Variants in KLHL32 observed in about 807,000 individuals in gnomAD.
KLHL32 encodes kelch like family member 32.
In KLHL32, 35 loss-of-function variants were observed where a neutral mutation model predicts 64.8. The observed-to-expected ratio is 0.54, with a 90% CI of 0.41 to 0.72. The LOEUF is 0.72. Among genes scored for constraint, KLHL32 ranks in the 30% least tolerant of loss-of-function variants. The probability of loss-of-function intolerance (pLI) is 0.00; values close to 1 mark genes in which losing one functional copy is unlikely to be tolerated. For missense variants in KLHL32, 589 were observed against 768.5 expected (o/e 0.77, Z 2.76); for synonymous variants, 259 against 281.0 (o/e 0.92, Z 0.78).
chr6:96,948,856 C>T (rs537146044), intron 1 of KLHL32, among the ~76,000 whole-genome samples: 2 of 152,144 alleles, frequency 1.3e-5, no homozygotes, highest in Non-Finnish European at 2.9e-5. Context: ...AGAAAACATA[C>T]TCCACTCTCC....
intron 5 of KLHL32, among the ~76,000 whole-genome samples, chr6:97,068,177 AG>A (rs1281725528): frequency 1.1e-4 from 16 of 152,190 alleles, no homozygotes; most frequent in Non-Finnish European, 1.6e-4. Flanking sequence ...TTTCCAAAAA[AG>A]AAAAAAAAAA....
chr6:97,127,996 C>T (rs1799051072), intron 8 of KLHL32, among the ~76,000 whole-genome samples: 1 of 152,138 alleles, frequency 6.6e-6, no homozygotes, highest in Non-Finnish European at 1.5e-5. Flanking sequence ...TATTTTCCCC[C>T]AAAAGAAATA....
In KLHL32 at chr6:97,036,178, T is replaced by A. The variant is rs182342500; in HGVS notation, c.205-5314T>A. 7.2e-5 allele frequency among the ~76,000 whole-genome samples: 11 copies of A among 152,320 alleles called. No homozygotes were observed. The East Asian group carries it at 1.7e-3, about 24-fold the overall frequency. ...GTGTTCTTCAGCTTCAGAATTTGTT[T>A]GCTTCATTTTTGTGGTTTACATTTC... is the stretch of plus-strand genomic sequence containing the variant. On this transcript the variant is annotated intron_variant, in intron 3 of 10. Transcript: ENST00000369261.
At chr6:97,019,946 ATTTTT>A (rs59828741) in intron 3 of KLHL32, among the ~76,000 whole-genome samples, 1 of 115,090 alleles carries the variant, frequency 8.7e-6, no homozygotes. Flanking sequence ...CTCCCGGCGA[ATTTTT>A]TTTTTTTTTT....
At chr6:97,048,040 A>G (rs1302764808) in intron 4 of KLHL32, among the ~76,000 whole-genome samples, 8 of 152,214 alleles carry the variant, frequency 5.3e-5, no homozygotes, top group Non-Finnish European at 1.0e-4. Flanking sequence ...AATACCTTAC[A>G]TGTAGTGGAG....
the KLHL32 span, among the ~76,000 whole-genome samples, chr6:96,902,149 T>C: frequency 6.6e-6 from 1 of 152,242 alleles, no homozygotes; most frequent in African/African-American, 2.4e-5. Flanking sequence ...TCTAGGTTTC[T>C]GGGGAATTGC....
the KLHL32 span, among the ~76,000 whole-genome samples, chr6:96,907,005 T>C: frequency 5.3e-5 from 8 of 152,192 alleles, no homozygotes; most frequent in African/African-American, 1.2e-4. Flanking sequence ...GAAGTTCCCA[T>C]TTTCATCAAA....
At chr6:97,080,934 C>G (rs1792402213) in intron 5 of KLHL32, among the ~76,000 whole-genome samples, 1 of 152,102 alleles carries the variant, frequency 6.6e-6, no homozygotes, top group African/African-American at 2.4e-5. Context: ...CAATTCCTAT[C>G]CCATAGGAAT....
intron 6 of KLHL32, among the ~76,000 whole-genome samples, chr6:97,092,881 G>A (rs1250427398): frequency 6.6e-6 from 1 of 152,198 alleles, no homozygotes; most frequent in Admixed American, 6.5e-5. Context: ...GTAGCTGTGA[G>A]GGGCAGTGAT....
chr6:96,989,934 A>C (rs1047371805), intron 3 of KLHL32, among the ~76,000 whole-genome samples: 4 of 152,164 alleles, frequency 2.6e-5, no homozygotes, highest in Non-Finnish European at 5.9e-5. Context: ...TGTCAGCTCT[A>C]TCAGATCAGT....
At chr6:96,990,098 C>G (rs1422896703) in intron 3 of KLHL32, among the ~76,000 whole-genome samples, 1 of 152,128 alleles carries the variant, frequency 6.6e-6, no homozygotes, top group Admixed American at 6.5e-5. Context: ...TCATTTCAGC[C>G]ATTTCAGCCT....
At chr6:97,064,814 C>T (rs1033952836) in intron 5 of KLHL32, 88 bp downstream of exon 5, 6 of 1,080,160 alleles carry the variant, frequency 5.6e-6, no homozygotes, top group Non-Finnish European at 8.5e-6. Context: ...AGCTGAATGA[C>T]AGGTAAAGTG....
At chr6:97,056,098 T>G (rs1214042137) in intron 4 of KLHL32, among the ~76,000 whole-genome samples, 1 of 115,212 alleles carries the variant, frequency 8.7e-6, no homozygotes, top group Non-Finnish European at 1.8e-5. Flanking sequence ...TTTTTTTTCT[T>G]TTTTTTTCTT....
chr6:97,016,771 A>T (rs1781259198), intron 3 of KLHL32, among the ~76,000 whole-genome samples: 1 of 152,158 alleles, frequency 6.6e-6, no homozygotes, highest in African/African-American at 2.4e-5. Context: ...TCGAATTGCA[A>T]TCCCCATAAT....
intron 1 of KLHL32, among the ~76,000 whole-genome samples, chr6:96,936,758 C>T (rs1770654089): frequency 6.6e-6 from 1 of 152,176 alleles, no homozygotes; most frequent in Non-Finnish European, 1.5e-5. Flanking sequence ...CAGCTTCCAT[C>T]CCAAGAACCA....
At chr6:96,981,518 T>C (rs186828095) in intron 3 of KLHL32, among the ~76,000 whole-genome samples, 1 of 152,286 alleles carries the variant, frequency 6.6e-6, no homozygotes, top group Non-Finnish European at 1.5e-5. Flanking sequence ...GTTCCATTGA[T>C]CTTTTATATG....
At chr6:97,092,224 C>A (rs934402307) in intron 6 of KLHL32, among the ~76,000 whole-genome samples, 1 of 152,106 alleles carries the variant, frequency 6.6e-6, no homozygotes, top group East Asian at 1.9e-4. Context: ...CTCCTGACCT[C>A]GTGATCCACC....
chr6:97,100,441 C>T (rs1255295251), intron 6 of KLHL32, among the ~76,000 whole-genome samples: 1 of 152,202 alleles, frequency 6.6e-6, no homozygotes, highest in Non-Finnish European at 1.5e-5. Context: ...TGTCCTATCC[C>T]CTTGACAGTA....
At chr6:97,029,531 A>T (rs1783219300) in intron 3 of KLHL32, among the ~76,000 whole-genome samples, 1 of 152,170 alleles carries the variant, frequency 6.6e-6, no homozygotes, top group Admixed American at 6.5e-5. Flanking sequence ...TGACAGTATT[A>T]TTATACTATG....
Sources: allele counts gnomAD v4.1 joint callset (sites outside exome capture counted in the v4.1 genomes callset), GRCh38; gene constraint gnomAD v4.1.1; transcripts MANE v1.5; gene names NCBI Gene and HGNC (gene_info 2026-07-23, HGNC 2026-07-21).